The following SEMA5A variants were observed in gnomAD, a reference collection of about 807,000 sequenced individuals.
SEMA5A encodes semaphorin-5A.
SEMA5A carries 55 observed loss-of-function variants against 135.5 expected under a neutral mutation model. The observed-to-expected ratio is 0.41, with a 90% CI of 0.33 to 0.51. The LOEUF (loss-of-function observed/expected upper bound fraction) is 0.51, where lower values mean the gene tolerates loss of function less well. Ranked by LOEUF, SEMA5A falls within the 20% of genes least tolerant of loss-of-function variation. SEMA5A has a pLI of 0.37. For synonymous variants in SEMA5A, 580 were observed against 546.5 expected, an observed-to-expected ratio of 1.06 and a Z score of -0.85; for missense variants, 1,290 against 1,419.9, an observed-to-expected ratio of 0.91 and a Z score of 1.47.
chr5:9,110,654 T>C (rs912242234), intron 15 of SEMA5A, among the ~76,000 whole-genome samples: 2 of 152,146 alleles, frequency 1.3e-5, no homozygotes, highest in Admixed American at 6.5e-5. Flanking sequence ...AGATAGTTGA[T>C]GTGTAGGGGG....
At chr5:9,396,278 A>ACAC (rs55845925) in intron 2 of SEMA5A, among the ~76,000 whole-genome samples, 1 of 151,596 alleles carries the variant, frequency 6.6e-6, no homozygotes, top group South Asian at 2.1e-4. Context: ...ACACACACAC[A>ACAC]AATACATCCT....
At chr5:9,106,032 A>G (rs927652602) in intron 16 of SEMA5A, among the ~76,000 whole-genome samples, 1 of 152,200 alleles carries the variant, frequency 6.6e-6, no homozygotes, top group Non-Finnish European at 1.5e-5. Flanking sequence ...CTTAGGACAG[A>G]CAGAAACCAA....
At chr5:9,418,070 G>A (rs975819539) in intron 2 of SEMA5A, among the ~76,000 whole-genome samples, 7 of 151,448 alleles carry the variant, frequency 4.6e-5, no homozygotes, top group African/African-American at 1.5e-4. Flanking sequence ...TCCGCCTCCC[G>A]GGTTCACGCC....
intron 11 of SEMA5A, among the ~76,000 whole-genome samples, chr5:9,180,847 T>G (rs1406952597): frequency 6.6e-6 from 1 of 152,206 alleles, no homozygotes; most frequent in Non-Finnish European, 1.5e-5. Flanking sequence ...GTTGAGCTAG[T>G]TGGCCACTAT....
chr5:9,238,167 A>C, intron 5 of SEMA5A, among the ~76,000 whole-genome samples: 1 of 152,264 alleles, frequency 6.6e-6, no homozygotes, highest in Non-Finnish European at 1.5e-5. Flanking sequence ...GAAAGGAACA[A>C]TGAGTTGGTG....
intron 10 of SEMA5A, among the ~76,000 whole-genome samples, chr5:9,192,124 C>T (rs1177897561): frequency 9.4e-5 from 14 of 148,334 alleles, no homozygotes; most frequent in African/African-American, 3.5e-4. Context: ...CTGCCATGAC[C>T]CATGTGTGAG....
In SEMA5A at chr5:9,102,986, A is replaced by G. The variant is rs553943723; in HGVS notation, c.2073+5154T>C. Among the ~76,000 whole-genome samples the G allele has an allele frequency of 2.6e-5, 4 of 152,328 alleles. No homozygotes were observed. The South Asian group carries it at 8.3e-4, about 32-fold the overall frequency. ...GAGAAATACGACTGGAGCTAAACAA[A>G]TACAAAATATACCTGTTTGGGGCTT... On this transcript the variant is annotated intron_variant, in intron 16 of 22. Transcript: ENST00000382496.
chr5:9,130,458 A>C (rs1741347235), intron 13 of SEMA5A, among the ~76,000 whole-genome samples: 1 of 152,200 alleles, frequency 6.6e-6, no homozygotes, highest in Non-Finnish European at 1.5e-5. Flanking sequence ...AATGAGTTAC[A>C]CAGGAAATGC....
intron 5 of SEMA5A, among the ~76,000 whole-genome samples, chr5:9,244,680 G>A (rs1748391097): frequency 6.6e-6 from 1 of 152,020 alleles, no homozygotes; most frequent in Non-Finnish European, 1.5e-5. Context: ...ATATCTAGCT[G>A]TTAAACAAAT....
rs144942739 is a variant in SEMA5A at position 9,541,438 on chromosome 5, T to C, written c.-175+4146A>G. Among the ~76,000 whole-genome samples, 527 of 152,320 alleles carry C rather than the reference T, an allele frequency of 3.5e-3. 5 individuals carry two copies. The highest frequency in any genetic ancestry group is 0.012 in the African/African-American group (509 of 41,578). ...GAAAGATGGGAAGATAAAAGATTAG[T>C]GGGCTCATGACCTTTCAATAATAAA... is the stretch of plus-strand genomic sequence containing the variant. On this transcript the variant is annotated intron_variant, in intron 1 of 22. Transcript: ENST00000382496.
At chr5:9,047,887 T>C (rs1239609086) in intron 21 of SEMA5A, among the ~76,000 whole-genome samples, 2 of 152,048 alleles carry the variant, frequency 1.3e-5, no homozygotes, top group Non-Finnish European at 2.9e-5. Flanking sequence ...TATTTTAGGG[T>C]GGTGATGGGC....
chr5:9,046,597 A>G (rs1736269395), intron 21 of SEMA5A, among the ~76,000 whole-genome samples: 1 of 152,200 alleles, frequency 6.6e-6, no homozygotes, highest in Non-Finnish European at 1.5e-5. Flanking sequence ...AGTGGCTGAT[A>G]GGCCCCAGGG....
intron 1 of SEMA5A, among the ~76,000 whole-genome samples, chr5:9,513,769 A>G (rs1736353527): frequency 6.6e-6 from 1 of 152,176 alleles, no homozygotes; most frequent in South Asian, 2.1e-4. Flanking sequence ...TTGAATTACT[A>G]TAGCAATTAT....
At position 9,330,427 on chromosome 5, in the gene SEMA5A, T is replaced by C. The variant is rs1263233469; in HGVS notation, c.224+7286A>G. ...AAAAGTACAGATTAGTTTTTTTTGT[T>C]TTTGTTTTTGTTTTTGTTTTGTTTT... On this transcript the variant is annotated intron_variant, in intron 4 of 22. Coordinates refer to ENST00000382496, the MANE Select transcript of SEMA5A (RefSeq NM_003966.3). Among the ~76,000 whole-genome samples, 78 of 151,528 alleles carry C rather than the reference T, an allele frequency of 5.1e-4. 2 individuals are homozygous for C. The highest frequency in any genetic ancestry group is 7.4e-5 in the Non-Finnish European group (5 of 67,838).
intron 1 of SEMA5A, among the ~76,000 whole-genome samples, chr5:9,449,134 A>G (rs1354895279): frequency 1.3e-5 from 2 of 152,230 alleles, no homozygotes; most frequent in Non-Finnish European, 2.9e-5. Flanking sequence ...TCACTGCAGT[A>G]CTACTCACAA....
chr5:9,364,635 T>C (rs879724673), intron 3 of SEMA5A, among the ~76,000 whole-genome samples: 10 of 152,198 alleles, frequency 6.6e-5, no homozygotes, highest in Non-Finnish European at 1.3e-4. Flanking sequence ...GACAAATTAT[T>C]GTGCACCAGC....
At chr5:9,100,392 T>C (rs1739560827) in intron 16 of SEMA5A, among the ~76,000 whole-genome samples, 1 of 152,170 alleles carries the variant, frequency 6.6e-6, no homozygotes, top group Non-Finnish European at 1.5e-5. Context: ...CCTGTGGCTT[T>C]CCATGTTGGG....
intron 5 of SEMA5A, among the ~76,000 whole-genome samples, chr5:9,297,882 C>T (rs183154053): frequency 1.3e-5 from 2 of 152,162 alleles, no homozygotes; most frequent in Admixed American, 1.3e-4. Context: ...CCATGCCTGG[C>T]CAATTTCTGT....
intron 5 of SEMA5A, among the ~76,000 whole-genome samples, chr5:9,267,311 C>A (rs1399098665): frequency 6.6e-6 from 1 of 152,106 alleles, no homozygotes; most frequent in Non-Finnish European, 1.5e-5. Flanking sequence ...GCCTCTATAT[C>A]GCGCTATCAA....
Sources: allele counts gnomAD v4.1 joint callset (sites outside exome capture counted in the v4.1 genomes callset), GRCh38; gene constraint gnomAD v4.1.1; transcripts MANE v1.5; gene names NCBI Gene and HGNC (gene_info 2026-07-23, HGNC 2026-07-21).